The following GALNT16 variants were observed in gnomAD, a reference collection of about 807,000 sequenced individuals.
GALNT16 encodes UDP-GalNAc:polypeptide N-acetylgalactosaminyltransferase-like protein 1.
In GALNT16, 40 loss-of-function variants were observed where a neutral mutation model predicts 76.1. The ratio of observed to expected loss-of-function variants is 0.53; its 90% CI spans 0.41 to 0.68. GALNT16 has a LOEUF of 0.68. Among genes scored for constraint, GALNT16 ranks in the 30% least tolerant of loss-of-function variants. The pLI, the probability that GALNT16 is intolerant of heterozygous loss-of-function variation, is 0.00. For missense variants in GALNT16, 621 were observed against 731.9 expected, an observed-to-expected ratio of 0.85 and a Z score of 1.75; for synonymous variants, 276 against 285.2, an observed-to-expected ratio of 0.97 and a Z score of 0.32.
Position 69,338,743 on chromosome 14 carries a change from A to G in GALNT16, c.1060A>G (p.Asn354Asp), listed in dbSNP as rs751244158. 4 of 1,613,564 alleles carry G rather than the reference A, an allele frequency of 2.5e-6. No homozygotes were observed. The highest frequency in any genetic ancestry group is 3.4e-6 in the Non-Finnish European group (4 of 1,179,806). ...TGTCTTCAGGAAACGGCACCCCTAC[A>G]ACTTCCCTGAGGGTAATGCCCTCAC... ...GHVFRKRHPY[N>D]FPEGNALTYI... Residue 354 changes from asparagine (N) to aspartate (D), a missense_variant, in exon 10 of 15, where the codon AAC becomes GAC. Transcript: ENST00000448469.
chr14:69,272,320 G>A (rs912941830), intron 1 of GALNT16, among the ~76,000 whole-genome samples: 2 of 152,066 alleles, frequency 1.3e-5, no homozygotes, highest in Admixed American at 1.3e-4. Flanking sequence ...CCAAGATCGT[G>A]CCACTGCACT....
intron 2 of GALNT16, among the ~76,000 whole-genome samples, chr14:69,322,784 G>A (rs183658473): frequency 1.0e-3 from 159 of 152,158 alleles, no homozygotes; most frequent in African/African-American, 3.6e-3. Context: ...TCAGCTACTC[G>A]GGAGGCTAAG....
At chr14:69,371,403 A>G in the GALNT16 span, among the ~76,000 whole-genome samples, 1 of 151,470 alleles carries the variant, frequency 6.6e-6, no homozygotes, top group Middle Eastern at 3.4e-3. Flanking sequence ...ACAGGCACGC[A>G]CCACCACGCC....
chr14:69,285,041 T>G (rs113049465), intron 1 of GALNT16, among the ~76,000 whole-genome samples: 17,632 of 86,324 alleles, frequency 0.2, 1,362 homozygotes, highest in East Asian at 0.37. Context: ...TCGGGCACTC[T>G]TTTTTTTTTT....
chr14:69,344,213 G>A (rs2045532920), intron 12 of GALNT16, among the ~76,000 whole-genome samples: 1 of 152,360 alleles, frequency 6.6e-6, no homozygotes, highest in East Asian at 1.9e-4. Context: ...CCAGGTTAGA[G>A]CTCTGCAGCT....
At chr14:69,293,166 T>C (rs2044709954) in intron 1 of GALNT16, among the ~76,000 whole-genome samples, 1 of 152,090 alleles carries the variant, frequency 6.6e-6, no homozygotes, top group African/African-American at 2.4e-5. Flanking sequence ...GCCATATTGG[T>C]AGAGGGGCCA....
chr14:69,379,502 C>T, the GALNT16 span, among the ~76,000 whole-genome samples: 2 of 152,170 alleles, frequency 1.3e-5, no homozygotes, highest in Non-Finnish European at 2.9e-5. Context: ...AATCATGAGC[C>T]TTCCAAAAAA....
chr14:69,321,633 CTCCT>C (rs1014960897), intron 2 of GALNT16, among the ~76,000 whole-genome samples: 3 of 152,200 alleles, frequency 2.0e-5, no homozygotes, highest in Admixed American at 6.5e-5. Context: ...AGATTCCTCC[CTCCT>C]TCCTTCCTTG....
chr14:69,265,602 G>T (rs372688463), intron 1 of GALNT16, among the ~76,000 whole-genome samples: 1 of 152,224 alleles, frequency 6.6e-6, no homozygotes, highest in Non-Finnish European at 1.5e-5. Flanking sequence ...CAAGATTGAA[G>T]ATTTATACCC....
At chr14:69,285,367 G>A (rs895595959) in intron 1 of GALNT16, among the ~76,000 whole-genome samples, 1 of 152,102 alleles carries the variant, frequency 6.6e-6, no homozygotes, top group Non-Finnish European at 1.5e-5. Flanking sequence ...CTAACACAGG[G>A]ACTATAAAAG....
chr14:69,277,830 A>G (rs1411911116), intron 1 of GALNT16, among the ~76,000 whole-genome samples: 2 of 152,254 alleles, frequency 1.3e-5, no homozygotes, highest in Non-Finnish European at 2.9e-5. Context: ...ACTAGTTTAC[A>G]GTCCCATCAA....
chr14:69,264,174 T>G (rs2044311144), intron 1 of GALNT16, among the ~76,000 whole-genome samples: 1 of 152,264 alleles, frequency 6.6e-6, no homozygotes, highest in Non-Finnish European at 1.5e-5. Flanking sequence ...TGCACTCATT[T>G]GTGTCAACAG....
At chr14:69,355,242 C>G (rs1339284546), downstream of GALNT16, 2 of 152,418 alleles carry the variant, frequency 1.3e-5, no homozygotes, top group Non-Finnish European at 2.9e-5. Context: ...GAACTTCTGA[C>G]CCCTGGGCCT....
chr14:69,269,812 G>T (rs1203225833), intron 1 of GALNT16, among the ~76,000 whole-genome samples: 1 of 150,812 alleles, frequency 6.6e-6, no homozygotes, highest in East Asian at 1.9e-4. Flanking sequence ...TTGTGTGTTT[G>T]TGTGTGTGTG....
In GALNT16 at chr14:69,341,723, G is replaced by A. The variant is rs764095665; in HGVS notation, c.1230G>A (p.Lys410=). The A allele has an allele frequency of 8.7e-6, 14 of 1,613,242 alleles. No homozygotes were observed. In the South Asian group the frequency reaches 1.2e-4, roughly 14 times the overall value. Residue 410 remains lysine (K), a synonymous_variant, in exon 12 of 15, where the codon AAG becomes AAA. Transcript: ENST00000448469. ...RIEQRKKMNC[K]SFRWYLENVY... is the part of the protein sequence containing the mutation. ...AGCAGAGGAAGAAGATGAACTGCAA[G>A]TCCTTCCGCTGGTACCTGGAGAACG...
At chr14:69,303,371 A>G (rs1488631551) in intron 1 of GALNT16, among the ~76,000 whole-genome samples, 1 of 152,162 alleles carries the variant, frequency 6.6e-6, no homozygotes, top group Non-Finnish European at 1.5e-5. Flanking sequence ...ATCAGGGCTG[A>G]TAAGAAATAG....
At chr14:69,303,780 C>G (rs1209531665) in intron 1 of GALNT16, among the ~76,000 whole-genome samples, 1 of 152,086 alleles carries the variant, frequency 6.6e-6, no homozygotes, top group Non-Finnish European at 1.5e-5. Flanking sequence ...CTTTATTGTG[C>G]AAGCATTTTT....
intron 1 of GALNT16, among the ~76,000 whole-genome samples, chr14:69,269,617 TGTG>T (rs1343477862): frequency 2.0e-5 from 3 of 146,382 alleles, no homozygotes; most frequent in South Asian, 2.2e-4. Context: ...TGTTATATGT[TGTG>T]TGTGTGTGGT....
At chr14:69,299,002 T>A (rs755616749) in intron 1 of GALNT16, among the ~76,000 whole-genome samples, 5 of 152,230 alleles carry the variant, frequency 3.3e-5, no homozygotes, top group Non-Finnish European at 4.4e-5. Flanking sequence ...ATCAGAGCAG[T>A]TCTTCTGCTG....
Sources: gnomAD v4.1 joint callset for allele counts (sites outside exome capture counted in the v4.1 genomes callset) on GRCh38, gnomAD v4.1.1 for gene constraint, MANE v1.5 for transcripts, NCBI Gene and HGNC (gene_info 2026-07-23, HGNC 2026-07-21) for gene names.